SCHIP1: variants seen among roughly 807,000 people sequenced by gnomAD.
SCHIP1 encodes schwannomin interacting protein 1, also known as schwannomin-interacting protein 1.
A neutral mutation model predicts 29.7 loss-of-function variants in SCHIP1; 8 were observed. The observed-to-expected ratio is 0.27, with a 90% CI of 0.16 to 0.49. The LOEUF is 0.49. SCHIP1 is among the 20% of genes least tolerant of loss of function. The pLI, the probability that SCHIP1 is intolerant of heterozygous loss-of-function variation, is 0.99. For missense variants in SCHIP1, 193 were observed against 294.6 expected, an observed-to-expected ratio of 0.66 and a Z score of 2.52; for synonymous variants, 76 against 94.9, an observed-to-expected ratio of 0.80 and a Z score of 1.16.
At chr3:159,614,476 G>A in the SCHIP1 span, among the ~76,000 whole-genome samples, 6 of 151,780 alleles carry the variant, frequency 4.0e-5, no homozygotes, top group East Asian at 7.8e-4. Context: ...TTTTCACCCC[G>A]TGTGTGGGTC....
At chr3:159,333,419 T>C in the SCHIP1 span, among the ~76,000 whole-genome samples, 1 of 152,320 alleles carries the variant, frequency 6.6e-6, no homozygotes, top group African/African-American at 2.4e-5. Flanking sequence ...CACATTATTA[T>C]AAGAAATACA....
the SCHIP1 span, among the ~76,000 whole-genome samples, chr3:159,359,986 A>G: frequency 3.3e-5 from 5 of 152,218 alleles, no homozygotes; most frequent in African/African-American, 9.6e-5. Flanking sequence ...GACAGCACAA[A>G]CACAGAGGTG....
intron 2 of SCHIP1, among the ~76,000 whole-genome samples, chr3:159,875,327 T>C (rs1715691417): frequency 6.6e-6 from 1 of 152,256 alleles, no homozygotes; most frequent in Non-Finnish European, 1.5e-5. Flanking sequence ...GAATTTGACA[T>C]CTTGCTAGAG....
At chr3:159,662,774 C>G in the SCHIP1 span, among the ~76,000 whole-genome samples, 438 of 152,286 alleles carry the variant, frequency 2.9e-3, 3 homozygotes, top group African/African-American at 9.9e-3. Context: ...TTATAAGAGG[C>G]AGAGCCAAGA....
chr3:159,336,903 G>A, the SCHIP1 span, among the ~76,000 whole-genome samples: 12 of 152,198 alleles, frequency 7.9e-5, no homozygotes, highest in African/African-American at 2.7e-4. Flanking sequence ...GCTTGATGGG[G>A]ATGGCATTGA....
chr3:159,507,280 G>T, the SCHIP1 span, among the ~76,000 whole-genome samples: 18 of 152,060 alleles, frequency 1.2e-4, no homozygotes, highest in African/African-American at 4.3e-4. Context: ...TCTGTTATTG[G>T]TGTATAAGAA....
At chr3:159,625,966 G>A in the SCHIP1 span, among the ~76,000 whole-genome samples, 1 of 151,714 alleles carries the variant, frequency 6.6e-6, no homozygotes, top group African/African-American at 2.4e-5. Context: ...CCAATACTGG[G>A]TCAACAGCAG....
chr3:159,390,880 G>A, the SCHIP1 span, among the ~76,000 whole-genome samples: 3 of 152,030 alleles, frequency 2.0e-5, no homozygotes, highest in African/African-American at 4.8e-5. Flanking sequence ...GGTGCTTAAG[G>A]AAAGGAAACA....
chr3:159,461,713 T>C, the SCHIP1 span, among the ~76,000 whole-genome samples: 2 of 151,782 alleles, frequency 1.3e-5, no homozygotes, highest in African/African-American at 4.8e-5. Flanking sequence ...ACAGTTACTA[T>C]TTTGAGAGTG....
the SCHIP1 span, among the ~76,000 whole-genome samples, chr3:159,352,608 C>T: frequency 6.6e-6 from 1 of 152,064 alleles, no homozygotes; most frequent in Non-Finnish European, 1.5e-5. Flanking sequence ...CTTGTGTAAG[C>T]ACCACAATAA....
the SCHIP1 span, among the ~76,000 whole-genome samples, chr3:159,647,736 T>A: frequency 1.3e-5 from 2 of 152,196 alleles, no homozygotes; most frequent in South Asian, 4.1e-4. Flanking sequence ...TTCCTTCATC[T>A]TGTCTAGAAG....
the SCHIP1 span, among the ~76,000 whole-genome samples, chr3:159,424,980 C>G: frequency 6.6e-6 from 1 of 151,892 alleles, no homozygotes; most frequent in Non-Finnish European, 1.5e-5. Context: ...ACTTTACAGA[C>G]AAGCAAATGC....
chr3:159,865,013 A>G (rs910402564), intron 1 of SCHIP1, among the ~76,000 whole-genome samples: 3 of 152,114 alleles, frequency 2.0e-5, no homozygotes, highest in East Asian at 1.9e-4. Context: ...GAATGAAATT[A>G]TTTTCAGTGC....
the SCHIP1 span, among the ~76,000 whole-genome samples, chr3:159,507,633 T>C: frequency 1.3e-5 from 2 of 152,212 alleles, no homozygotes; most frequent in South Asian, 2.1e-4. Context: ...TATTTTGAGA[T>C]ACATCCCATC....
chr3:159,507,826 C>T, the SCHIP1 span, among the ~76,000 whole-genome samples: 1 of 152,208 alleles, frequency 6.6e-6, no homozygotes, highest in Admixed American at 6.5e-5. Context: ...CCCACTTGAT[C>T]ATAGTGGATA....
chr3:159,370,933 A>G, the SCHIP1 span, among the ~76,000 whole-genome samples: 3 of 152,140 alleles, frequency 2.0e-5, no homozygotes, highest in East Asian at 5.8e-4. Context: ...CAGCTTGCAG[A>G]TGGCATATGG....
the SCHIP1 span, among the ~76,000 whole-genome samples, chr3:159,828,421 A>ACT: frequency 3.1e-5 from 3 of 97,200 alleles, no homozygotes; most frequent in South Asian, 3.1e-4. Context: ...ATATATACGT[A>ACT]TATATATACG....
At chr3:159,789,093 T>A in the SCHIP1 span, among the ~76,000 whole-genome samples, 1 of 151,950 alleles carries the variant, frequency 6.6e-6, no homozygotes, top group Non-Finnish European at 1.5e-5. Flanking sequence ...AACCTGTATA[T>A]GTGTATGTAT....
chr3:159,381,350 T>TA, the SCHIP1 span, among the ~76,000 whole-genome samples: 2 of 152,204 alleles, frequency 1.3e-5, no homozygotes, highest in African/African-American at 4.8e-5. Flanking sequence ...CTTTCTCTTT[T>TA]AAAAACTCTG....
Sources: allele counts gnomAD v4.1 joint callset (sites outside exome capture counted in the v4.1 genomes callset), GRCh38; gene constraint gnomAD v4.1.1; transcripts MANE v1.5; gene names NCBI Gene and HGNC (gene_info 2026-07-23, HGNC 2026-07-21).